TMEM14B: variants seen among roughly 807,000 people sequenced by gnomAD.
TMEM14B encodes transmembrane protein 14B.
A neutral mutation model predicts 14.8 loss-of-function variants in TMEM14B; 9 were observed. The observed-to-expected ratio is 0.61, with a 90% CI of 0.37 to 1.06. TMEM14B has a LOEUF of 1.06. Among genes scored for constraint, TMEM14B ranks in the 50% least tolerant of loss-of-function variants. The pLI is 0.01. For synonymous variants in TMEM14B, 40 were observed against 51.3 expected, an observed-to-expected ratio of 0.78 and a Z score of 0.94; for missense variants, 128 against 143.6, an observed-to-expected ratio of 0.89 and a Z score of 0.56.
At chr6:10,751,713 A>G (rs1325736006) in intron 4 of TMEM14B, among the ~76,000 whole-genome samples, 1 of 152,070 alleles carries the variant, frequency 6.6e-6, no homozygotes, top group Non-Finnish European at 1.5e-5. Flanking sequence ...TTTGAAAATC[A>G]CCTCTTTAGC....
chr6:10,749,362 C>G (rs747454807), intron 2 of TMEM14B, 94 bp downstream of exon 2: 68 of 1,504,518 alleles, frequency 4.5e-5, no homozygotes, highest in Non-Finnish European at 6.2e-5. Flanking sequence ...AGTAGACTGC[C>G]TGGGATGGCG....
intron 4 of TMEM14B, among the ~76,000 whole-genome samples, chr6:10,754,330 A>G (rs971405782): frequency 6.6e-6 from 1 of 152,184 alleles, no homozygotes; most frequent in African/African-American, 2.4e-5. Flanking sequence ...ATGGCCTTCA[A>G]GGCTCTATGT....
chr6:10,755,355 C>T (rs1363086796), intron 5 of TMEM14B, 123 bp downstream of exon 5: 11 of 1,557,120 alleles, frequency 7.1e-6, no homozygotes, highest in Non-Finnish European at 9.5e-6. Flanking sequence ...TGACGTTTGA[C>T]TTATACACTA....
chr6:10,749,724 C>A (rs1771474763), intron 3 of TMEM14B, 26 bp downstream of exon 3: 1 of 1,612,464 alleles, frequency 6.2e-7, no homozygotes, highest in East Asian at 2.2e-5. Context: ...TACTTAGCCT[C>A]TTAACATCTT....
downstream of TMEM14B, among the ~76,000 whole-genome samples, chr6:10,757,768 A>G (rs1262426577): frequency 1.3e-5 from 2 of 152,156 alleles, no homozygotes; most frequent in Non-Finnish European, 2.9e-5. Flanking sequence ...AGATGGGTGG[A>G]TCACCTGAGG....
chr6:10,751,064 G>A (rs1771534587), intron 3 of TMEM14B, 69 bp from the exon 4 acceptor site: 3 of 1,588,876 alleles, frequency 1.9e-6, no homozygotes, highest in Non-Finnish European at 1.7e-6. Flanking sequence ...AGGGCAGGAG[G>A]TCTGGTGGAT....
At chr6:10,754,192 C>T (rs997165411) in intron 4 of TMEM14B, among the ~76,000 whole-genome samples, 2 of 152,172 alleles carry the variant, frequency 1.3e-5, no homozygotes, top group East Asian at 1.9e-4. Context: ...TGCACTCCAG[C>T]GTGTGTTGCA....
At chr6:10,751,748 C>T (rs946063548) in intron 4 of TMEM14B, among the ~76,000 whole-genome samples, 9 of 152,178 alleles carry the variant, frequency 5.9e-5, no homozygotes, top group African/African-American at 1.9e-4. Flanking sequence ...ATATATAAGA[C>T]GTAGACCATG....
Position 10,756,656 on chromosome 6 carries a change from C to T in TMEM14B, c.*138C>T, listed in dbSNP as rs369869998. On this transcript the variant is annotated 3_prime_UTR_variant, in exon 6 of 6. Transcript: ENST00000379542. ...AAAAAAAAAAAGACACCAAATTTGGCGGAGGGGTGGAAAATCAGTTGTTAC... is the reference window on the plus strand; with the variant it reads ...AAAAAAAAAAAGACACCAAATTTGGTGGAGGGGTGGAAAATCAGTTGTTAC... 6.9e-5 allele frequency: 97 copies of T among 1,405,962 alleles called. 1 individual carries two copies. In the East Asian group the frequency reaches 1.2e-3, roughly 18 times the overall value. The allele number at this position is 1,405,962 out of a possible 1,614,324, so 87.1% of individuals were successfully genotyped here. A position where few individuals can be genotyped will look rare whatever the true frequency, so the allele number is the denominator to read the frequency against.
chr6:10,752,452 C>CTTTTTT (rs60849022), intron 4 of TMEM14B, among the ~76,000 whole-genome samples: 3 of 112,500 alleles, frequency 2.7e-5, no homozygotes, highest in South Asian at 3.1e-4. Flanking sequence ...CATAAACTAC[C>CTTTTTT]TTTTTTTTTT....
intron 4 of TMEM14B, 101 bp downstream of exon 4, chr6:10,751,335 AT>A: frequency 7.5e-7 from 1 of 1,332,872 alleles, no homozygotes; most frequent in Non-Finnish European, 1.0e-6. Flanking sequence ...TTCCCACTTA[AT>A]TTACGACAGT....
intron 4 of TMEM14B, among the ~76,000 whole-genome samples, chr6:10,751,868 G>A (rs1771586332): frequency 6.6e-6 from 1 of 152,134 alleles, no homozygotes; most frequent in Non-Finnish European, 1.5e-5. Context: ...AGTGAGTGGT[G>A]TGGAGGACAT....
chr6:10,751,359 C>A, intron 4 of TMEM14B, 125 bp downstream of exon 4: 1 of 1,009,502 alleles, frequency 9.9e-7, no homozygotes, highest in Non-Finnish European at 1.5e-6. Flanking sequence ...CACTGCTTCT[C>A]CAAGTCCAAG....
rs9689171 is a variant in TMEM14B at position 10,751,047 on chromosome 6, C to T, written c.101-86C>T. The T allele has an allele frequency of 6.1e-3, 9,367 of 1,533,712 alleles. 202 individuals carry two copies. Among genetic ancestry groups the T allele is most frequent in the African/African-American group, 0.061 (4,440 of 72,902 alleles). ...CTGTGTTGAGAGTTCTTTGTGCTGT[C>T]CTTTGTAGGGCAGGAGGTCTGGTGG... On this transcript the variant is annotated intron_variant, in intron 3 of 5. Transcript: ENST00000379542.
Position 10,756,435 on chromosome 6 carries a change from C to T in TMEM14B, c.294-32C>T, listed in dbSNP as rs564373132. The T allele has an allele frequency of 1.7e-5, 28 of 1,611,992 alleles. No homozygotes were observed. In the South Asian group the frequency reaches 2.3e-4, roughly 13 times the overall value. On this transcript the variant is annotated intron_variant, in intron 5 of 5. Coordinates refer to ENST00000379542, the MANE Select transcript of TMEM14B (RefSeq NM_030969.5). ...CATAGTTGCCTGTTCTATCCTTTAC[C>T]TGATGTTTTCTATCTTACTTGTTTT...
rs755894398 is a variant in TMEM14B, at chr6:10,749,580, A to G, written c.24-42A>G. ...GACAATATGGTTTGTTTTTAAATCC[A>G]GGTTAGCACTGACTTCTCACTGACT... On this transcript the variant is annotated intron_variant, in intron 2 of 5. Coordinates refer to ENST00000379542, the MANE Select transcript of TMEM14B (RefSeq NM_030969.5). The G allele has an allele frequency of 5.6e-6, 9 of 1,608,050 alleles. No homozygotes were observed. The African/African-American group carries it at 9.4e-5, about 17-fold the overall frequency.
downstream of TMEM14B, chr6:10,759,657 G>C (rs186931463): frequency 6.6e-6 from 1 of 152,254 alleles, no homozygotes; most frequent in Admixed American, 6.5e-5. Flanking sequence ...AATATTTTAG[G>C]CTTCTCAGGC....
At chr6:10,759,540 A>G (rs561985780), downstream of TMEM14B, 4 of 152,194 alleles carry the variant, frequency 2.6e-5, no homozygotes, top group Non-Finnish European at 5.9e-5. Flanking sequence ...AGGATGCACC[A>G]ATTTATCCTC....
Position 10,756,642 on chromosome 6 carries a change from G to C in TMEM14B, c.*124G>C, listed in dbSNP as rs1044805047. On this transcript the variant is annotated 3_prime_UTR_variant, in exon 6 of 6. Coordinates refer to ENST00000379542, the MANE Select transcript of TMEM14B (RefSeq NM_030969.5). ...CTGACATTTTACCTAAAAAAAAAAAGACACCAAATTTGGCGGAGGGGTGGA... is the reference window on the plus strand; with the variant it reads ...CTGACATTTTACCTAAAAAAAAAAACACACCAAATTTGGCGGAGGGGTGGA... 33 of 1,405,406 alleles carry C rather than the reference G, an allele frequency of 2.3e-5. No individual in the cohort carries two copies. In the East Asian group the frequency reaches 9.0e-4, roughly 38 times the overall value. The allele number at this position is 1,405,406 out of a possible 1,614,324, so 87.1% of individuals were successfully genotyped here.
Sources: allele counts gnomAD v4.1 joint callset (sites outside exome capture counted in the v4.1 genomes callset), GRCh38; gene constraint gnomAD v4.1.1; transcripts MANE v1.5; gene names NCBI Gene and HGNC (gene_info 2026-07-23, HGNC 2026-07-21).